TCP11: variants seen among roughly 807,000 people sequenced by gnomAD.
TCP11 encodes t-complex 11, also known as T-complex protein 11 homolog.
TCP11 carries 34 observed loss-of-function variants against 45.0 expected under a neutral mutation model. The observed-to-expected ratio is 0.76, with a 90% confidence interval of 0.57 to 1.01. The LOEUF (loss-of-function observed/expected upper bound fraction) is 1.01, where lower values mean the gene tolerates loss of function less well. Among genes scored for constraint, TCP11 ranks in the 50% least tolerant of loss-of-function variants. TCP11 has a pLI of 0.00. For synonymous variants in TCP11, 227 were observed against 227.0 expected (o/e 1.00, Z 0.00); for missense variants, 523 against 598.1 (o/e 0.87, Z 1.31).
chr6:35,140,972 G>A (rs1206194579), intron 1 of TCP11, 88 bp from the exon 2 acceptor site: 36 of 1,424,690 alleles, frequency 2.5e-5, no homozygotes, highest in African/African-American at 8.7e-5. Context: ...CGGGAAGGGG[G>A]GTAGCGGCCT....
At chr6:35,126,197 GC>G (rs1249051114) in intron 4 of TCP11, among the ~76,000 whole-genome samples, 1 of 152,118 alleles carries the variant, frequency 6.6e-6, no homozygotes, top group Non-Finnish European at 1.5e-5. Context: ...ATTTTTTAAA[GC>G]CCCCAATATG....
At chr6:35,135,678 G>A (rs1340234383) in intron 3 of TCP11, among the ~76,000 whole-genome samples, 1 of 151,244 alleles carries the variant, frequency 6.6e-6, no homozygotes, top group African/African-American at 2.4e-5. Context: ...AGCCCAGGAG[G>A]CCATGACCAT....
chr6:35,127,605 T>G (rs1353358332), intron 4 of TCP11, among the ~76,000 whole-genome samples: 2 of 152,372 alleles, frequency 1.3e-5, no homozygotes, highest in Admixed American at 6.5e-5. Flanking sequence ...TATGCCAACA[T>G]TTTGTTCTTC....
In TCP11 at chr6:35,122,076, G is replaced by A. The variant is rs141844071; in HGVS notation, c.578+41C>T. The A allele has an allele frequency of 9.4e-4, 1,506 of 1,602,994 alleles. 10 individuals are homozygous for A. In the African/African-American group the frequency reaches 0.016, roughly 17 times the overall value. On this transcript the variant is annotated intron_variant, in intron 5 of 9. Transcript: ENST00000311875. ...TCTGGCCCAGCTTTTCCGGGCTCAG[G>A]GGCTAAAGCAGGTTTTTGGGGGCAG...
chr6:35,131,832 T>C (rs73405736), intron 3 of TCP11, among the ~76,000 whole-genome samples: 2,463 of 152,230 alleles, frequency 0.016, 77 homozygotes, highest in African/African-American at 0.055. Flanking sequence ...CAACTCCTAG[T>C]TGCAAGTGAT....
chr6:35,136,126 T>C lies in TCP11; in HGVS notation c.217A>G (p.Lys73Glu), dbSNP rs529870463. 2.7e-5 allele frequency: 43 copies of C among 1,613,554 alleles called. No homozygotes were observed. The highest frequency in any genetic ancestry group is 3.3e-4 in the Middle Eastern group (2 of 6,080). ...CTATACCTGCTTGGAGGTAAAACCT[T>C]CTCTTCCATGTAGTAATCACAATTC... Reference protein sequence around the residue: ...GMNCDYYMEEKVLPPSSLEGK... With the variant: ...GMNCDYYMEEEVLPPSSLEGK... The change falls in exon 3 of 10, where the codon AAG becomes GAG. Residue 73 changes from lysine (K) to glutamate (E), a missense_variant. By Grantham distance (56) the Lys-to-Glu change is moderately conservative. Coordinates refer to ENST00000311875, the MANE Select transcript of TCP11 (RefSeq NM_001370687.1).
chr6:35,140,411 G>T, intron 2 of TCP11: 2 of 524,316 alleles, frequency 3.8e-6, no homozygotes, highest in South Asian at 3.6e-5. Flanking sequence ...ATTCCCGTCT[G>T]GGATCATTTG....
chr6:35,141,314 G>A lies in TCP11; in HGVS notation c.-124C>T, dbSNP rs1425402696. 3 of 1,264,714 alleles carry A rather than the reference G, an allele frequency of 2.4e-6. No individual in the cohort carries two copies. The highest frequency in any genetic ancestry group is 4.2e-5 in the Admixed American group (1 of 23,862). 78.3% of individuals were successfully genotyped at this position (1,264,714 alleles called of 1,614,324 possible). Reference sequence around the variant, plus strand: ...GGAGCGGCGGGTTGGGGCGTCGCACGGTGAGAAAGGCCGGGGCCTGAGAAC... The same window carrying A: ...GGAGCGGCGGGTTGGGGCGTCGCACAGTGAGAAAGGCCGGGGCCTGAGAAC... On this transcript the variant is annotated 5_prime_UTR_variant, in exon 1 of 10. Transcript: ENST00000311875.
At chr6:35,128,126 T>C (rs1220810962) in intron 4 of TCP11, among the ~76,000 whole-genome samples, 1 of 152,200 alleles carries the variant, frequency 6.6e-6, no homozygotes, top group Non-Finnish European at 1.5e-5. Context: ...AGCTGGGTCC[T>C]CTGTTCAGGG....
rs748748232 is a variant in TCP11, at chr6:35,120,612, T to C, written c.750A>G (p.Gln250=). 5 of 1,613,778 alleles carry C rather than the reference T, an allele frequency of 3.1e-6. No homozygotes were observed. The highest frequency in any genetic ancestry group is 1.7e-4 in the Middle Eastern group (1 of 6,060). Residue 250 remains glutamine, a synonymous_variant, in exon 7 of 10, where the codon CAA becomes CAG. Coordinates refer to ENST00000311875, the MANE Select transcript of TCP11 (RefSeq NM_001370687.1). This position sits in a 1 kb window ranked among gnomAD's most constrained non-coding sequence, Gnocchi z 4.9. ...GTGACATGGTGAGGTCTCCTGCTGC[T>C]TGGGTCAGCCATTTGGTGGTGTGAT... ...LLNHTTKWLT[Q]AAGDLTMSPP... is the part of the protein sequence containing the mutation.
At chr6:35,133,265 C>T (rs573113008) in intron 3 of TCP11, among the ~76,000 whole-genome samples, 1 of 152,186 alleles carries the variant, frequency 6.6e-6, no homozygotes, top group African/African-American at 2.4e-5. Flanking sequence ...CAGCCTTGAC[C>T]TCCCAGGCTC....
rs1778830667 is a variant in TCP11, at chr6:35,118,213, G to T, written c.*56C>A. 6.9e-7 allele frequency: 1 copy of T among 1,439,230 alleles called. No individual in the cohort carries two copies. The highest frequency in any genetic ancestry group is 2.3e-5 in the East Asian group (1 of 44,076). 89.2% of individuals were successfully genotyped at this position (1,439,230 alleles called of 1,614,324 possible). On this transcript the variant is annotated 3_prime_UTR_variant, in exon 10 of 10. Transcript: ENST00000311875. ...GCTGGTCACTGGTGATGTTACTCCA[G>T]GAAGATGATGGGCCTCCTCTTGGGT...
In TCP11 at chr6:35,121,063, A is replaced by G; in HGVS notation, c.579-18T>C. On this transcript the variant is annotated intron_variant, in intron 5 of 9. Coordinates refer to ENST00000311875, the MANE Select transcript of TCP11 (RefSeq NM_001370687.1). ...AGATCCCTCTGACACAGGGGGAAAGAGAATATTTATACTACTAAGCTAGAA... is the reference window on the plus strand; with the variant it reads ...AGATCCCTCTGACACAGGGGGAAAGGGAATATTTATACTACTAAGCTAGAA... 1.3e-6 allele frequency: 2 copies of G among 1,592,502 alleles called. No homozygotes were observed. Among genetic ancestry groups the G allele is most frequent in the South Asian group, 2.3e-5 (2 of 86,732 alleles).
rs199729611 is a variant in TCP11 at position 35,120,319 on chromosome 6, G to A, written c.955C>T (p.Arg319Trp). 1.0e-4 allele frequency: 163 copies of A among 1,613,880 alleles called. No homozygotes were observed. The highest frequency in any genetic ancestry group is 1.2e-4 in the Non-Finnish European group (136 of 1,179,890). ...FPETLLMDRTRLQELKSQLHQ... is the reference protein window; with the variant it reads ...FPETLLMDRTWLQELKSQLHQ... ...AACTGGGACTTCAGCTCCTGCAGCC[G>A]GGTTCTGTCCATCAGCAGGGTCTGG... Residue 319 changes from arginine to tryptophan, a missense_variant, in exon 8 of 10, where the codon CGG becomes TGG. Transcript: ENST00000311875. This position sits in a 1 kb window ranked among gnomAD's most constrained non-coding sequence, Gnocchi z 4.9.
chr6:35,121,821 GAAAA>G (rs61313333), intron 5 of TCP11, among the ~76,000 whole-genome samples: 1 of 130,250 alleles, frequency 7.7e-6, no homozygotes. Flanking sequence ...AAAAAAGAAA[GAAAA>G]AAAAAAACCT....
chr6:35,137,940 G>A (rs958792781), intron 2 of TCP11: 9 of 384,724 alleles, frequency 2.3e-5, no homozygotes, highest in Non-Finnish European at 3.1e-5. Context: ...ATTTGAAAAT[G>A]TAAAAAGGAA....
At chr6:35,125,439 T>C (rs916337115) in intron 4 of TCP11, among the ~76,000 whole-genome samples, 3 of 152,096 alleles carry the variant, frequency 2.0e-5, no homozygotes, top group African/African-American at 7.2e-5. Context: ...TCACTAGCCA[T>C]TAAGAGAAAT....
chr6:35,129,217 A>G (rs1362801072), intron 3 of TCP11, 35 bp from the exon 4 acceptor site: 1 of 1,595,432 alleles, frequency 6.3e-7, no homozygotes, highest in Admixed American at 1.8e-5. Context: ...TTACTCTCTC[A>G]ACCCAAAAAC....
chr6:35,129,289 A>G (rs757471778), intron 3 of TCP11, 107 bp from the exon 4 acceptor site: 12 of 1,360,160 alleles, frequency 8.8e-6, no homozygotes, highest in Non-Finnish European at 1.2e-5. Context: ...AGGCCATTAT[A>G]ATAACAGGGA....
Sources: gnomAD v4.1 joint callset for allele counts (sites outside exome capture counted in the v4.1 genomes callset) on GRCh38, gnomAD v4.1.1 for gene constraint, Gnocchi (gnomAD v3.1) non-coding constraint, MANE v1.5 for transcripts, NCBI Gene and HGNC (gene_info 2026-07-23, HGNC 2026-07-21) for gene names.